Variants in GABRG3 observed in about 807,000 individuals in gnomAD.
GABRG3 encodes gamma-aminobutyric acid receptor subunit gamma-3.
A neutral mutation model predicts 48.8 loss-of-function variants in GABRG3; 25 were observed. The observed-to-expected ratio is 0.51, with a 90% CI of 0.37 to 0.72. The LOEUF is 0.72. Ranked by LOEUF, GABRG3 falls within the 30% of genes least tolerant of loss-of-function variation. The pLI, the probability that GABRG3 is intolerant of heterozygous loss-of-function variation, is 0.00. For missense variants in GABRG3, 394 were observed against 577.9 expected, an observed-to-expected ratio of 0.68 and a Z score of 3.26; for synonymous variants, 227 against 217.6, an observed-to-expected ratio of 1.04 and a Z score of -0.38.
chr15:27,019,985 G>A (rs1056596029), intron 2 of GABRG3, among the ~76,000 whole-genome samples: 14 of 152,228 alleles, frequency 9.2e-5, no homozygotes, highest in South Asian at 2.1e-4. Context: ...TCTATTCTGC[G>A]TTTAATTCCA....
At chr15:27,070,957 C>G (rs555107153) in intron 3 of GABRG3, among the ~76,000 whole-genome samples, 1 of 152,328 alleles carries the variant, frequency 6.6e-6, no homozygotes, top group South Asian at 2.1e-4. Flanking sequence ...TCCTCTCCAG[C>G]CTAAGGACCT....
chr15:27,267,864 T>G (rs1195404705), intron 3 of GABRG3, among the ~76,000 whole-genome samples: 1 of 152,252 alleles, frequency 6.6e-6, no homozygotes, highest in Non-Finnish European at 1.5e-5. Context: ...GAGCAGATCC[T>G]AGGCCAACCT....
chr15:27,387,991 T>TAAGG (rs200059693), intron 5 of GABRG3, among the ~76,000 whole-genome samples: 3 of 20,578 alleles, frequency 1.5e-4, no homozygotes, highest in Non-Finnish European at 2.6e-4. Context: ...GGAGGGAGGG[T>TAAGG]AAGGAAGGAA....
intron 3 of GABRG3, among the ~76,000 whole-genome samples, chr15:27,148,967 A>G (rs747928641): frequency 7.2e-5 from 11 of 152,174 alleles, no homozygotes; most frequent in East Asian, 1.9e-4. Flanking sequence ...CACCATTTCT[A>G]CTCACAATTT....
chr15:27,418,223 C>T (rs1888001868), intron 5 of GABRG3, among the ~76,000 whole-genome samples: 1 of 152,188 alleles, frequency 6.6e-6, no homozygotes, highest in Admixed American at 6.5e-5. Context: ...AGAAGTACTC[C>T]AGGCCATAGC....
chr15:27,515,192 A>G (rs1487663510), intron 6 of GABRG3, among the ~76,000 whole-genome samples: 1 of 151,986 alleles, frequency 6.6e-6, no homozygotes, highest in Non-Finnish European at 1.5e-5. Context: ...TCCCAGGTTC[A>G]AGAGATTCTC....
chr15:27,485,042 TG>T (rs1485990951), intron 6 of GABRG3, among the ~76,000 whole-genome samples: 9 of 152,176 alleles, frequency 5.9e-5, no homozygotes, highest in Non-Finnish European at 1.2e-4. Flanking sequence ...CTGCACCTGG[TG>T]ACTTTCTTCC....
At chr15:27,456,314 A>G (rs1279297651) in intron 5 of GABRG3, among the ~76,000 whole-genome samples, 1 of 152,182 alleles carries the variant, frequency 6.6e-6, no homozygotes, top group Admixed American at 6.5e-5. Flanking sequence ...GTTGGTCATG[A>G]CACCCACAGA....
intron 2 of GABRG3, among the ~76,000 whole-genome samples, chr15:26,997,108 T>C (rs1335580546): frequency 6.6e-6 from 1 of 152,210 alleles, no homozygotes; most frequent in African/African-American, 2.4e-5. Flanking sequence ...CTGTTGAATG[T>C]CTCCTGTGAA....
intron 3 of GABRG3, among the ~76,000 whole-genome samples, chr15:27,071,455 C>T (rs1313566016): frequency 3.3e-5 from 5 of 152,238 alleles, no homozygotes; most frequent in Non-Finnish European, 7.3e-5. Flanking sequence ...AGCAACGACA[C>T]AGCAAACCTG....
intron 3 of GABRG3, among the ~76,000 whole-genome samples, chr15:27,128,992 T>C (rs1897869779): frequency 6.6e-6 from 1 of 152,182 alleles, no homozygotes; most frequent in Non-Finnish European, 1.5e-5. Flanking sequence ...CTAAAAATAA[T>C]TTAAGTCAAT....
chr15:27,407,347 CT>C (rs1273322309), intron 5 of GABRG3, among the ~76,000 whole-genome samples: 2 of 152,204 alleles, frequency 1.3e-5, no homozygotes, highest in African/African-American at 4.8e-5. Flanking sequence ...AGCAGGAACT[CT>C]CATGTATTGC....
rs368184925 is a variant in GABRG3 at position 27,347,110 on chromosome 15, A to G, written c.574+18222A>G. Among the ~76,000 whole-genome samples the G allele has an allele frequency of 9.2e-5, 14 of 151,984 alleles. No homozygotes were observed. The East Asian group carries it at 1.5e-3, about 17-fold the overall frequency. The stretch of plus-strand genomic sequence containing the variant: ...AGGAATTGGGCTGTGGTTAATGTCT[A>G]CTGTAGCTTTGGGTGCCAGAGGCTT... On this transcript the variant is annotated intron_variant, in intron 5 of 9. Transcript: ENST00000615808.
chr15:27,392,319 A>G (rs1474492398), intron 5 of GABRG3, among the ~76,000 whole-genome samples: 1 of 152,130 alleles, frequency 6.6e-6, no homozygotes, highest in Non-Finnish European at 1.5e-5. Flanking sequence ...CTGCTTGGCT[A>G]CAACAGTTTC....
chr15:27,294,945 G>A (rs1281349113), intron 3 of GABRG3: 1 of 152,200 alleles, frequency 6.6e-6, no homozygotes, highest in East Asian at 1.9e-4. Flanking sequence ...GCCCTCGTCA[G>A]AACCCAGAAT....
chr15:27,467,944 T>C (rs1328573485), intron 5 of GABRG3, among the ~76,000 whole-genome samples: 1 of 152,198 alleles, frequency 6.6e-6, no homozygotes, highest in African/African-American at 2.4e-5. Flanking sequence ...AGTAGTGTGA[T>C]GAAGTCTCTT....
chr15:27,527,692 A>G, intron 8 of GABRG3, 63 bp downstream of exon 8: 1 of 1,407,258 alleles, frequency 7.1e-7, no homozygotes, highest in South Asian at 1.2e-5. Context: ...ATGAGTGTGT[A>G]CTTAAATGCA....
At chr15:27,485,937 AC>A (rs2150847079) in intron 6 of GABRG3, among the ~76,000 whole-genome samples, 1 of 152,230 alleles carries the variant, frequency 6.6e-6, no homozygotes, top group East Asian at 1.9e-4. Context: ...AACCTTTATG[AC>A]ATTTGCAGGT....
intron 3 of GABRG3, among the ~76,000 whole-genome samples, chr15:27,045,864 C>T (rs1354189427): frequency 2.0e-5 from 3 of 152,146 alleles, no homozygotes; most frequent in African/African-American, 7.2e-5. Flanking sequence ...CACTTTGCAG[C>T]AAAACCAAGT....
Sources: allele counts gnomAD v4.1 joint callset (sites outside exome capture counted in the v4.1 genomes callset), GRCh38; gene constraint gnomAD v4.1.1; transcripts MANE v1.5; gene names NCBI Gene and HGNC (gene_info 2026-07-23, HGNC 2026-07-21).